MAP2: variants seen among roughly 807,000 people sequenced by gnomAD.
MAP2 encodes microtubule-associated protein 2.
A neutral mutation model predicts 137.6 loss-of-function variants in MAP2; 14 were observed. That is an observed-to-expected ratio of 0.10 (90% CI 0.07 to 0.16). MAP2 has a LOEUF of 0.16. MAP2 is among the 10% of genes least tolerant of loss of function. The probability of loss-of-function intolerance (pLI) is 1.00; values close to 1 mark genes in which losing one functional copy is unlikely to be tolerated. For missense variants in MAP2, 2,088 were observed against 2,191.5 expected, an observed-to-expected ratio of 0.95 and a Z score of 0.94; for synonymous variants, 786 against 782.3, an observed-to-expected ratio of 1.00 and a Z score of -0.08.
chr2:209,684,619 A>G (rs2056274789), intron 7 of MAP2: 1 of 152,238 alleles, frequency 6.6e-6, no homozygotes, highest in South Asian at 2.1e-4. Context: ...AAAAGTTTCA[A>G]TGAAAGCAAA....
chr2:209,709,211 C>T (rs903985421), intron 12 of MAP2, among the ~76,000 whole-genome samples: 9 of 152,040 alleles, frequency 5.9e-5, no homozygotes, highest in South Asian at 2.1e-4. Flanking sequence ...CAATCAGGTA[C>T]GAGGCTCACT....
In MAP2 at chr2:209,580,054, A is replaced by C. The variant is rs924629522; in HGVS notation, c.-153A>C. On this transcript the variant is annotated 5_prime_UTR_variant, in exon 3 of 16. Coordinates refer to ENST00000682079, the MANE Select transcript of MAP2 (RefSeq NM_001375505.1). Reference sequence around the variant, plus strand: ...TCGGTAGATTCTTCAGCTTGTCTCTAACCGAGGAAGCATTGATTGGGAGCT... The same window carrying C: ...TCGGTAGATTCTTCAGCTTGTCTCTCACCGAGGAAGCATTGATTGGGAGCT... 5.9e-5 allele frequency: 9 copies of C among 151,348 alleles called. No individual in the cohort carries two copies. The highest frequency in any genetic ancestry group is 1.3e-4 in the Non-Finnish European group (9 of 67,882). 9.4% of individuals were successfully genotyped at this position (151,348 alleles called of 1,614,324 possible). A position where few individuals can be genotyped will look rare whatever the true frequency, so the allele number is the denominator to read the frequency against.
At chr2:209,433,660 A>G (rs1694925994) in intron 1 of MAP2, among the ~76,000 whole-genome samples, 5 of 152,142 alleles carry the variant, frequency 3.3e-5, no homozygotes, top group Admixed American at 2.0e-4. Flanking sequence ...AATGTGTTAA[A>G]TCACAAGAGA....
At chr2:209,504,894 T>C (rs770879544) in intron 1 of MAP2, among the ~76,000 whole-genome samples, 1 of 152,140 alleles carries the variant, frequency 6.6e-6, no homozygotes, top group Non-Finnish European at 1.5e-5. Context: ...CCTAGTGTTC[T>C]TATGTACATT....
chr2:209,510,138 A>T (rs534252340), intron 2 of MAP2, among the ~76,000 whole-genome samples: 40 of 151,386 alleles, frequency 2.6e-4, no homozygotes, highest in African/African-American at 9.4e-4. Context: ...AAAAATGTGT[A>T]TTGGTTTTTC....
chr2:209,653,307 A>G lies in MAP2; in HGVS notation c.137A>G (p.Asn46Ser). The change falls in exon 5 of 16, where the codon AAT becomes AGT. Residue 46 changes from asparagine to serine, a missense_variant. Physicochemically the swap from Asn to Ser is conservative, Grantham distance 46. Transcript: ENST00000682079. ...GAGEGLVRSA[N>S]GFPYREDEEG... ...GGGGAAGGACTTGTCCGAAGCGCCAATGGATTCCCATACAGGGAGGATGAA... is the reference window on the plus strand; with the variant it reads ...GGGGAAGGACTTGTCCGAAGCGCCAGTGGATTCCCATACAGGGAGGATGAA... 1.2e-6 allele frequency: 2 copies of G among 1,614,168 alleles called. No homozygotes were observed. Among genetic ancestry groups the G allele is most frequent in the Non-Finnish European group, 1.7e-6 (2 of 1,180,004 alleles).
At chr2:209,697,208 T>TC (rs2060405245) in intron 10 of MAP2, among the ~76,000 whole-genome samples, 157 bp downstream of exon 10, 1 of 151,944 alleles carries the variant, frequency 6.6e-6, no homozygotes, top group African/African-American at 2.4e-5. Flanking sequence ...ATTATTCTTT[T>TC]TTCCCCCCTC....
At chr2:209,525,798 G>T (rs2063946760) in intron 2 of MAP2, among the ~76,000 whole-genome samples, 1 of 152,046 alleles carries the variant, frequency 6.6e-6, no homozygotes, top group Non-Finnish European at 1.5e-5. Flanking sequence ...AAATAACTTT[G>T]TCCAAACTCT....
Position 209,490,514 on chromosome 2 carries a change from G to A in MAP2, c.-221-17078G>A, listed in dbSNP as rs143824320. ...GTTAAAAGAGTCAAGACCCGCTGGT[G>A]TGCTGCATTCAGGAGACCCATCTCG... On this transcript the variant is annotated intron_variant, in intron 1 of 15. Transcript: ENST00000682079. 1.8e-3 allele frequency among the ~76,000 whole-genome samples: 264 copies of A among 147,314 alleles called. 1 individual carries two copies. The East Asian group carries it at 0.021, about 12-fold the overall frequency.
intron 7 of MAP2, 95 bp from the exon 8 acceptor site, chr2:209,692,530 C>A: frequency 1.4e-6 from 2 of 1,386,074 alleles, no homozygotes; most frequent in Non-Finnish European, 1.9e-6. Context: ...TGTTTTTATT[C>A]TACCATTCAT....
chr2:209,449,622 T>G (rs1171212387), intron 1 of MAP2, among the ~76,000 whole-genome samples: 1 of 152,130 alleles, frequency 6.6e-6, no homozygotes. Flanking sequence ...AAGAATAATT[T>G]CAAATATCTT....
intron 3 of MAP2, among the ~76,000 whole-genome samples, chr2:209,603,560 AT>A (rs1378938101): frequency 6.6e-6 from 1 of 152,184 alleles, no homozygotes; most frequent in Non-Finnish European, 1.5e-5. Flanking sequence ...AGCTTTCTGC[AT>A]GCTGGTGGGC....
At chr2:209,696,874 AT>A in intron 9 of MAP2, 42 bp from the exon 10 acceptor site, 1 of 1,576,346 alleles carries the variant, frequency 6.3e-7, no homozygotes, top group Non-Finnish European at 8.6e-7. Context: ...CCACGTGTTT[AT>A]TTTTTCCTGA....
intron 4 of MAP2, among the ~76,000 whole-genome samples, chr2:209,626,583 C>T (rs984315635): frequency 1.3e-5 from 2 of 152,164 alleles, no homozygotes; most frequent in African/African-American, 4.8e-5. Flanking sequence ...TGTCAAAACC[C>T]TAAAGATCAT....
chr2:209,595,652 T>C (rs547556269), intron 3 of MAP2, among the ~76,000 whole-genome samples: 32 of 152,330 alleles, frequency 2.1e-4, no homozygotes, highest in African/African-American at 7.2e-4. Context: ...TAAAGACACA[T>C]GCACATGTAT....
At chr2:209,642,283 G>A (rs2094097197) in intron 4 of MAP2, among the ~76,000 whole-genome samples, 1 of 151,720 alleles carries the variant, frequency 6.6e-6, no homozygotes, top group African/African-American at 2.4e-5. Flanking sequence ...GGATGGGGGG[G>A]ATTAGCTGGC....
chr2:209,539,222 C>T (rs1023033044), intron 2 of MAP2, among the ~76,000 whole-genome samples: 2 of 152,078 alleles, frequency 1.3e-5, no homozygotes, highest in African/African-American at 4.8e-5. Flanking sequence ...TGTTTCTGCT[C>T]TTATAAAATG....
At chr2:209,602,432 C>T (rs983887043) in intron 3 of MAP2, among the ~76,000 whole-genome samples, 2 of 152,216 alleles carry the variant, frequency 1.3e-5, no homozygotes, top group African/African-American at 4.8e-5. Flanking sequence ...TGCTTCTCCT[C>T]AGGCAGGCTG....
intron 2 of MAP2, among the ~76,000 whole-genome samples, chr2:209,531,555 A>G (rs1048445162): frequency 2.0e-5 from 3 of 152,230 alleles, no homozygotes; most frequent in African/African-American, 7.2e-5. Context: ...ATAATGAGTC[A>G]GAAGTTGAGG....
Sources: allele counts gnomAD v4.1 joint callset (sites outside exome capture counted in the v4.1 genomes callset), GRCh38; gene constraint gnomAD v4.1.1; transcripts MANE v1.5; gene names NCBI Gene and HGNC (gene_info 2026-07-23, HGNC 2026-07-21).